PCDHA5: variants seen among roughly 807,000 people sequenced by gnomAD.
PCDHA5 encodes protocadherin alpha-5.
A neutral mutation model predicts 61.6 loss-of-function variants in PCDHA5; 43 were observed. That is an observed-to-expected ratio of 0.70 (90% CI 0.55 to 0.90). PCDHA5 has a LOEUF of 0.90. Among genes scored for constraint, PCDHA5 ranks in the 40% least tolerant of loss-of-function variants. The probability of loss-of-function intolerance (pLI) is 0.00; values close to 1 mark genes in which losing one functional copy is unlikely to be tolerated. For synonymous variants in PCDHA5, 627 were observed against 543.9 expected, an observed-to-expected ratio of 1.15 and a Z score of -2.13; for missense variants, 1,298 against 1,222.7, an observed-to-expected ratio of 1.06 and a Z score of -0.92.
At chr5:140,898,059 G>C (rs372963837) in intron 1 of PCDHA5, among the ~76,000 whole-genome samples, 2 of 151,948 alleles carry the variant, frequency 1.3e-5, no homozygotes, top group Non-Finnish European at 1.5e-5. Flanking sequence ...TTGTAAATTT[G>C]TTTGAGTTCA....
At chr5:140,928,836 C>T (rs1554206380) in intron 1 of PCDHA5, 1 of 1,614,168 alleles carries the variant, frequency 6.2e-7, no homozygotes. Context: ...CACTTTCCTC[C>T]TCTGTCACTC....
intron 1 of PCDHA5, chr5:140,883,493 C>T (rs1554178441): frequency 6.2e-7 from 1 of 1,614,174 alleles, no homozygotes; most frequent in Non-Finnish European, 8.5e-7. Flanking sequence ...CTCATTAGTG[C>T]TGGACAGCGC....
At chr5:140,982,628 G>A (rs2096992254) in intron 3 of PCDHA5, 65 bp downstream of exon 3, 1 of 1,578,000 alleles carries the variant, frequency 6.3e-7, no homozygotes, top group African/African-American at 1.4e-5. Flanking sequence ...ACCTACTTTT[G>A]TAAGATCAGG....
At chr5:140,995,515 C>T (rs1476035141) in intron 3 of PCDHA5, among the ~76,000 whole-genome samples, 2 of 152,078 alleles carry the variant, frequency 1.3e-5, no homozygotes, top group East Asian at 1.9e-4. Context: ...TAACTGAAGC[C>T]TCAGAAATCA....
chr5:140,967,088 GAGGCGCTGTGTGAGC>G, intron 1 of PCDHA5: 1 of 1,613,226 alleles, frequency 6.2e-7, no homozygotes, highest in Non-Finnish European at 8.5e-7. Context: ...CATTGATCGG[GAGGCGCTGTGTGAGC>G]AGCGGCCTCG....
intron 1 of PCDHA5, chr5:140,869,303 C>T (rs1403563775): frequency 6.2e-7 from 1 of 1,613,586 alleles, no homozygotes; most frequent in Non-Finnish European, 8.5e-7. Flanking sequence ...TTCCGGGTGG[C>T]GTCCAAAACA....
intron 1 of PCDHA5, chr5:140,967,008 A>C: frequency 6.2e-7 from 1 of 1,606,216 alleles, no homozygotes. Context: ...CGCATCAACC[A>C]TCTGGGTGCG....
chr5:140,902,750 A>C (rs1367370245), intron 1 of PCDHA5, among the ~76,000 whole-genome samples: 1 of 151,888 alleles, frequency 6.6e-6, no homozygotes. Flanking sequence ...AATCCATTAT[A>C]TCATTCTTAT....
chr5:140,940,635 TC>T (rs2092658903), intron 1 of PCDHA5, among the ~76,000 whole-genome samples: 1 of 152,214 alleles, frequency 6.6e-6, no homozygotes, highest in African/African-American at 2.4e-5. Context: ...CTTAAGCTTG[TC>T]ATTTATTTAT....
chr5:140,836,754 T>C lies in PCDHA5; in HGVS notation c.2352+12627T>C, dbSNP rs2150269259. 5 of 1,577,604 alleles carry C rather than the reference T, an allele frequency of 3.2e-6. 1 individual carries two copies. In the African/African-American group the frequency reaches 6.8e-5, roughly 22 times the overall value. On this transcript the variant is annotated intron_variant, in intron 1 of 3. Coordinates refer to ENST00000529859, the MANE Select transcript of PCDHA5 (RefSeq NM_018908.3). ...TACAGACAATGTGAGTCATAAATAA[T>C]CTTGTTTCCAACAATTTTAAAACAA...
At position 140,823,647 on chromosome 5, in the gene PCDHA5, G is replaced by A. The variant is rs2150127892; in HGVS notation, c.1872G>A (p.Gly624=). The A allele has an allele frequency of 2.1e-5, 34 of 1,613,872 alleles. No homozygotes were observed. The South Asian group carries it at 3.2e-4, about 15-fold the overall frequency. ...GTGCGCGCATCCCGTTCCGCGTGGG[G>A]CTGTACACAGGCGAGATCAGCACAA... ...PGSARIPFRV[G]LYTGEISTTR... The change falls in exon 1 of 4, where the codon GGG becomes GGA. Residue 624 remains glycine (G), a synonymous_variant. Transcript: ENST00000529859.
At chr5:140,951,988 A>C (rs2094668820) in intron 1 of PCDHA5, among the ~76,000 whole-genome samples, 1 of 152,226 alleles carries the variant, frequency 6.6e-6, no homozygotes, top group African/African-American at 2.4e-5. Context: ...GGGAAAAACC[A>C]GCCAAAAGAA....
chr5:140,879,123 G>C (rs895703047), intron 1 of PCDHA5, among the ~76,000 whole-genome samples: 18 of 152,310 alleles, frequency 1.2e-4, no homozygotes, highest in South Asian at 4.1e-4. Context: ...AAGGATTAGA[G>C]CAGGGGAGAT....
At chr5:140,993,795 C>T (rs1301191394) in intron 3 of PCDHA5, among the ~76,000 whole-genome samples, 2 of 152,128 alleles carry the variant, frequency 1.3e-5, no homozygotes, top group African/African-American at 2.4e-5. Flanking sequence ...ACATGCTGTG[C>T]AGGTTTGTAG....
At chr5:140,961,193 G>C (rs1297758288) in intron 1 of PCDHA5, among the ~76,000 whole-genome samples, 1 of 152,124 alleles carries the variant, frequency 6.6e-6, no homozygotes, top group Non-Finnish European at 1.5e-5. Context: ...CAGGACCCTA[G>C]TGAGGTTGGT....
At chr5:140,910,074 G>T (rs2074869064) in intron 1 of PCDHA5, among the ~76,000 whole-genome samples, 1 of 152,162 alleles carries the variant, frequency 6.6e-6, no homozygotes, top group South Asian at 2.1e-4. Context: ...AGCGTAAATT[G>T]TTGTCAAGGG....
intron 3 of PCDHA5, among the ~76,000 whole-genome samples, chr5:140,989,557 G>A (rs933151682): frequency 6.6e-6 from 1 of 152,166 alleles, no homozygotes; most frequent in Non-Finnish European, 1.5e-5. Context: ...TTTACGTTTT[G>A]TGGCTCCGGC....
chr5:140,916,028 C>T (rs1554197245), intron 1 of PCDHA5, among the ~76,000 whole-genome samples: 1 of 152,152 alleles, frequency 6.6e-6, no homozygotes, highest in African/African-American at 2.4e-5. Flanking sequence ...TCCCATTCTT[C>T]CCTCCCCTTT....
intron 1 of PCDHA5, among the ~76,000 whole-genome samples, chr5:140,838,656 C>T (rs2150290974): frequency 1.1e-4 from 17 of 151,972 alleles, no homozygotes; most frequent in Admixed American, 2.0e-4. Context: ...TGATAGTTAA[C>T]GGGGCATGGT....
Sources: gnomAD v4.1 joint callset for allele counts (sites outside exome capture counted in the v4.1 genomes callset) on GRCh38, gnomAD v4.1.1 for gene constraint, MANE v1.5 for transcripts, NCBI Gene and HGNC (gene_info 2026-07-23, HGNC 2026-07-21) for gene names.